The following ST6GAL1 variants were observed in gnomAD, a reference collection of about 807,000 sequenced individuals.
The protein encoded by ST6GAL1 is ST6 beta-galactoside alpha-2,6-sialyltransferase 1, also known as beta-galactoside alpha-2,6-sialyltransferase 1.
A neutral mutation model predicts 38.0 loss-of-function variants in ST6GAL1; 20 were observed. That is an observed-to-expected ratio of 0.53 (90% CI 0.37 to 0.77). The LOEUF is 0.77. Among genes scored for constraint, ST6GAL1 ranks in the 30% least tolerant of loss-of-function variants. The pLI is 0.00. For missense variants in ST6GAL1, 432 were observed against 496.4 expected (o/e 0.87, Z 1.23); for synonymous variants, 196 against 188.2 (o/e 1.04, Z -0.34).
chr3:186,954,923 G>C (rs938684888), intron 1 of ST6GAL1, among the ~76,000 whole-genome samples: 1 of 152,072 alleles, frequency 6.6e-6, no homozygotes, highest in African/African-American at 2.4e-5. Context: ...TGTCCTGAAT[G>C]GTATTGCCTA....
intron 2 of ST6GAL1, among the ~76,000 whole-genome samples, chr3:186,984,881 G>A (rs71322427): frequency 0.14 from 17,943 of 126,664 alleles, 1,313 homozygotes; most frequent in East Asian, 0.25. Flanking sequence ...CCTTCCTTCC[G>A]TCCTTTCTTT....
In ST6GAL1 at chr3:187,075,488, T is replaced by C; in HGVS notation, c.980-74T>C. 1 of 1,577,988 alleles carries C rather than the reference T, an allele frequency of 6.3e-7. No individual in the cohort carries two copies. The highest frequency in any genetic ancestry group is 8.6e-7 in the Non-Finnish European group (1 of 1,158,834). On this transcript the variant is annotated intron_variant, in intron 7 of 7. Transcript: ENST00000169298. The surrounding 1 kb of genome is among the most constrained non-coding windows in gnomAD (Gnocchi z 4.1). Reference sequence around the variant, plus strand: ...CTCCAAATTTGGGGTCATGAGCTGCTGAACCCACTGGGCAGAGCTCTGGGG... The same window carrying C: ...CTCCAAATTTGGGGTCATGAGCTGCCGAACCCACTGGGCAGAGCTCTGGGG...
intron 1 of ST6GAL1, among the ~76,000 whole-genome samples, chr3:186,934,927 C>T (rs922734766): frequency 5.9e-5 from 9 of 151,926 alleles, no homozygotes; most frequent in Non-Finnish European, 1.0e-4. Context: ...CCACCACGCC[C>T]GGCTAATTTT....
chr3:187,050,568 GGGAAGGAA>G (rs1449601835), intron 4 of ST6GAL1, among the ~76,000 whole-genome samples: 19 of 151,030 alleles, frequency 1.3e-4, no homozygotes, highest in African/African-American at 4.6e-4. Context: ...GAGGGAGGGA[GGGAAGGAA>G]GGAGGGAGGG....
intron 5 of ST6GAL1, among the ~76,000 whole-genome samples, chr3:187,060,154 C>T (rs1157490256): frequency 6.6e-6 from 1 of 152,128 alleles, no homozygotes; most frequent in African/African-American, 2.4e-5. Flanking sequence ...TGGTGCTGCA[C>T]CGAGGCATCT....
intron 5 of ST6GAL1, among the ~76,000 whole-genome samples, chr3:187,071,077 G>A (rs780851290): frequency 3.9e-5 from 6 of 152,168 alleles, no homozygotes; most frequent in African/African-American, 7.2e-5. Context: ...CACACAGGCC[G>A]TCTCTCTTGC....
At chr3:186,988,086 A>T (rs1358387978) in intron 2 of ST6GAL1, among the ~76,000 whole-genome samples, 1 of 152,218 alleles carries the variant, frequency 6.6e-6, no homozygotes. Flanking sequence ...CTCAGTGGTC[A>T]GGCATTTTTG....
intron 1 of ST6GAL1, among the ~76,000 whole-genome samples, chr3:186,955,626 C>T (rs910834668): frequency 8.5e-5 from 13 of 152,218 alleles, no homozygotes; most frequent in Admixed American, 4.6e-4. Context: ...CCTCAGCCTC[C>T]TGAGTAGTTG....
chr3:186,949,786 A>G (rs1166334871), intron 1 of ST6GAL1, among the ~76,000 whole-genome samples: 1 of 152,246 alleles, frequency 6.6e-6, no homozygotes, highest in African/African-American at 2.4e-5. Flanking sequence ...TCAGGTGTGC[A>G]AGCTTGGCAG....
At chr3:187,045,496 C>T (rs1419325502) in intron 4 of ST6GAL1, among the ~76,000 whole-genome samples, 2 of 152,200 alleles carry the variant, frequency 1.3e-5, no homozygotes, top group African/African-American at 2.4e-5. Context: ...ATCATCAATA[C>T]AAGTGATGCT....
intron 2 of ST6GAL1, among the ~76,000 whole-genome samples, chr3:187,017,308 C>T (rs1009640): frequency 0.84 from 128,500 of 152,230 alleles, 54,292 homozygotes; most frequent in East Asian, 0.9. Flanking sequence ...CCAAACTATT[C>T]TGATGTTTAT....
chr3:187,072,245 G>A (rs1019433816), intron 5 of ST6GAL1: 1 of 154,426 alleles, frequency 6.5e-6, no homozygotes, highest in Admixed American at 6.4e-5. Flanking sequence ...TCTCCTGTTG[G>A]GAGGTGTGCA....
chr3:186,974,255 G>A (rs1039492448), intron 2 of ST6GAL1, among the ~76,000 whole-genome samples: 3 of 152,164 alleles, frequency 2.0e-5, no homozygotes, highest in Non-Finnish European at 2.9e-5. Flanking sequence ...AGCCTAGACC[G>A]TTCCTTGAGA....
chr3:187,028,434 T>A (rs1297777218), intron 2 of ST6GAL1, among the ~76,000 whole-genome samples: 1 of 152,208 alleles, frequency 6.6e-6, no homozygotes, highest in Non-Finnish European at 1.5e-5. Context: ...ATAGCTTAAT[T>A]TGAATACATC....
intron 5 of ST6GAL1, among the ~76,000 whole-genome samples, chr3:187,053,149 G>T (rs1718573464): frequency 6.6e-6 from 1 of 152,000 alleles, no homozygotes; most frequent in African/African-American, 2.4e-5. Context: ...GGGGTTGTTT[G>T]TTTTTTTCTT....
At chr3:187,058,128 G>A (rs568506701) in intron 5 of ST6GAL1, among the ~76,000 whole-genome samples, 21 of 152,186 alleles carry the variant, frequency 1.4e-4, no homozygotes, top group Non-Finnish European at 2.4e-4. Context: ...CTCCTGGTGT[G>A]CCATTTTTTA....
At chr3:187,052,299 C>CT (rs1158540252) in intron 5 of ST6GAL1, among the ~76,000 whole-genome samples, 4 of 152,120 alleles carry the variant, frequency 2.6e-5, no homozygotes, top group East Asian at 3.9e-4. Context: ...CCTTAAGAAA[C>CT]TTTTTTTTAA....
intron 3 of ST6GAL1, among the ~76,000 whole-genome samples, chr3:187,039,148 C>G (rs184640387): frequency 7.2e-5 from 11 of 152,202 alleles, no homozygotes; most frequent in African/African-American, 2.7e-4. Context: ...TACTACCTGC[C>G]ACGAATGCAA....
intron 2 of ST6GAL1, among the ~76,000 whole-genome samples, chr3:187,029,423 G>T (rs1717663269): frequency 2.6e-5 from 4 of 152,158 alleles, no homozygotes; most frequent in Admixed American, 2.0e-4. Flanking sequence ...CTATAGTAAT[G>T]AGGCATATGG....
Sources: allele counts gnomAD v4.1 joint callset (sites outside exome capture counted in the v4.1 genomes callset), GRCh38; gene constraint gnomAD v4.1.1; non-coding constraint Gnocchi (gnomAD v3.1); transcripts MANE v1.5; gene names NCBI Gene and HGNC (gene_info 2026-07-23, HGNC 2026-07-21).